CRADD: variants seen among roughly 807,000 people sequenced by gnomAD.
CRADD encodes death domain-containing protein CRADD.
In CRADD, 9 loss-of-function variants were observed where a neutral mutation model predicts 15.5. That is an observed-to-expected ratio of 0.58 (90% CI 0.35 to 1.01). The LOEUF (loss-of-function observed/expected upper bound fraction) is 1.01, where lower values mean the gene tolerates loss of function less well. Ranked by LOEUF, CRADD falls within the 50% of genes least tolerant of loss-of-function variation. The pLI is 0.02. For synonymous variants in CRADD, 118 were observed against 107.6 expected (o/e 1.10, Z -0.60); for missense variants, 227 against 250.3 (o/e 0.91, Z 0.63).
intron 2 of CRADD, among the ~76,000 whole-genome samples, chr12:93,731,519 A>G (rs1243076095): frequency 2.0e-5 from 3 of 152,238 alleles, no homozygotes; most frequent in Admixed American, 6.5e-5. Context: ...GTTTAAAGTA[A>G]TAGTTTGCCA....
Position 93,850,490 on chromosome 12 carries a change from C to G in CRADD, c.*219C>G. On this transcript the variant is annotated 3_prime_UTR_variant, in exon 3 of 3. Transcript: ENST00000332896. This position sits in a 1 kb window ranked among gnomAD's most constrained non-coding sequence, Gnocchi z 4.0. The stretch of plus-strand genomic sequence containing the variant: ...CTCAACAATTCTTTGTTTTTAATTG[C>G]TTGAAGATTGCATTGTTGTAATTGT... The G allele has an allele frequency of 1.5e-6, 2 of 1,300,200 alleles. No homozygotes were observed. Among genetic ancestry groups the G allele is most frequent in the Non-Finnish European group, 1.9e-6 (2 of 1,028,894 alleles). The allele number at this position is 1,300,200 out of a possible 1,614,324, so 80.5% of individuals were successfully genotyped here.
chr12:93,788,433 G>T (rs1957306057), intron 2 of CRADD, among the ~76,000 whole-genome samples: 1 of 152,152 alleles, frequency 6.6e-6, no homozygotes, highest in South Asian at 2.1e-4. Flanking sequence ...TTTGGGTGGG[G>T]ACACAGCCAA....
rs369486173 is a variant in CRADD, at chr12:93,713,622, G to A, written c.298+34550G>A. Reference sequence around the variant, plus strand: ...TATATTGTTTGTTTGTTTTCTTAACGTTTTTTTTAATGGTTGTATTGTTAT... The same window carrying A: ...TATATTGTTTGTTTGTTTTCTTAACATTTTTTTTAATGGTTGTATTGTTAT... On this transcript the variant is annotated intron_variant, in intron 2 of 2. Coordinates refer to ENST00000332896, the MANE Select transcript of CRADD (RefSeq NM_003805.5). Among the ~76,000 whole-genome samples, 9 of 142,066 alleles carry A rather than the reference G, an allele frequency of 6.3e-5. No individual in the cohort carries two copies. In the East Asian group the frequency reaches 1.2e-3, roughly 18 times the overall value. 93.2% of individuals were successfully genotyped at this position (142,066 alleles called of 152,430 possible). A position where few individuals can be genotyped will look rare whatever the true frequency, so the allele number is the denominator to read the frequency against.
At chr12:93,722,727 A>G (rs946141003) in intron 2 of CRADD, among the ~76,000 whole-genome samples, 2 of 152,062 alleles carry the variant, frequency 1.3e-5, no homozygotes, top group African/African-American at 4.8e-5. Context: ...GTGTCCTTGC[A>G]TGCTGACTAT....
rs111542135 is a variant in CRADD at position 93,715,913 on chromosome 12, G to A, written c.298+36841G>A. Reference sequence around the variant, plus strand: ...TCCCAGCACTTTGAGAGGCTGAGGCGGGGGGATCGCTTGAGGTCAGGAGTT... The same window carrying A: ...TCCCAGCACTTTGAGAGGCTGAGGCAGGGGGATCGCTTGAGGTCAGGAGTT... On this transcript the variant is annotated intron_variant, in intron 2 of 2. Transcript: ENST00000332896. Among the ~76,000 whole-genome samples, 1,459 of 152,132 alleles carry A rather than the reference G, an allele frequency of 9.6e-3. 36 individuals carry two copies. Among genetic ancestry groups the A allele is most frequent in the African/African-American group, 0.032 (1,347 of 41,522 alleles).
chr12:93,801,940 A>G lies in CRADD; in HGVS notation c.299-48030A>G, dbSNP rs138552592. Reference sequence around the variant, plus strand: ...AGCTCCCACTTATAAGTGAGAACATACAATATTTGTTTTCCATTCTTGAGT... The same window carrying G: ...AGCTCCCACTTATAAGTGAGAACATGCAATATTTGTTTTCCATTCTTGAGT... On this transcript the variant is annotated intron_variant, in intron 2 of 2. Coordinates refer to ENST00000332896, the MANE Select transcript of CRADD (RefSeq NM_003805.5). Among the ~76,000 whole-genome samples, 1,270 of 152,280 alleles carry G rather than the reference A, an allele frequency of 8.3e-3. 23 individuals are homozygous for G. Among genetic ancestry groups the G allele is most frequent in the African/African-American group, 0.028 (1,177 of 41,548 alleles).
At chr12:93,702,149 G>A (rs1476252764) in intron 2 of CRADD, among the ~76,000 whole-genome samples, 1 of 152,112 alleles carries the variant, frequency 6.6e-6, no homozygotes, top group African/African-American at 2.4e-5. Flanking sequence ...TAAAAAAGTA[G>A]GTTCTTAAAT....
At chr12:93,723,747 G>A (rs1422943066) in intron 2 of CRADD, among the ~76,000 whole-genome samples, 2 of 152,208 alleles carry the variant, frequency 1.3e-5, no homozygotes, top group East Asian at 1.9e-4. Flanking sequence ...TGTCCTATGA[G>A]TAGGTCTCAG....
At chr12:93,869,345 T>C (rs1443061936) in intron 2 of CRADD, among the ~76,000 whole-genome samples, 1 of 152,164 alleles carries the variant, frequency 6.6e-6, no homozygotes, top group African/African-American at 2.4e-5. Context: ...AGTTTCTACA[T>C]TGTCCAGCAT....
intron 2 of CRADD, among the ~76,000 whole-genome samples, chr12:93,724,404 T>C (rs1352092580): frequency 5.3e-5 from 8 of 151,626 alleles, no homozygotes; most frequent in African/African-American, 1.9e-4. Flanking sequence ...AAATTTCTGC[T>C]CCAGTATGTT....
At chr12:93,797,067 A>T (rs1386042695) in intron 2 of CRADD, among the ~76,000 whole-genome samples, 1 of 152,210 alleles carries the variant, frequency 6.6e-6, no homozygotes, top group African/African-American at 2.4e-5. Context: ...AACATCTGGC[A>T]TCAGAATTTG....
chr12:93,707,634 C>T (rs1201369901), intron 2 of CRADD, among the ~76,000 whole-genome samples: 1 of 152,130 alleles, frequency 6.6e-6, no homozygotes, highest in Non-Finnish European at 1.5e-5. Context: ...CACCAGTTCT[C>T]CTGCTTATTG....
chr12:93,823,674 T>G (rs1957793295), intron 2 of CRADD, among the ~76,000 whole-genome samples: 1 of 152,210 alleles, frequency 6.6e-6, no homozygotes, highest in Admixed American at 6.5e-5. Flanking sequence ...GTGTCTAACT[T>G]TGTCTTTTTA....
chr12:93,838,960 A>G (rs1211707430), intron 2 of CRADD, among the ~76,000 whole-genome samples: 1 of 151,044 alleles, frequency 6.6e-6, no homozygotes, highest in Non-Finnish European at 1.5e-5. Flanking sequence ...TTTTGTAGAG[A>G]TGGAGTTTTG....
chr12:93,681,276 A>C (rs1267113472), intron 2 of CRADD, among the ~76,000 whole-genome samples: 1 of 152,222 alleles, frequency 6.6e-6, no homozygotes, highest in African/African-American at 2.4e-5. Flanking sequence ...AAGCTGAGGA[A>C]AAATAGCTTT....
At chr12:93,682,999 T>C (rs1429884434) in intron 2 of CRADD, among the ~76,000 whole-genome samples, 1 of 152,216 alleles carries the variant, frequency 6.6e-6, no homozygotes, top group African/African-American at 2.4e-5. Context: ...TACTAGACAT[T>C]AGATCAGCTG....
At chr12:93,748,499 G>A (rs1956791945) in intron 2 of CRADD, among the ~76,000 whole-genome samples, 1 of 152,174 alleles carries the variant, frequency 6.6e-6, no homozygotes, top group Non-Finnish European at 1.5e-5. Context: ...TAGAGACGGG[G>A]TTTCTCTGTG....
At chr12:93,840,172 TTTATA>T (rs1372516601) in intron 2 of CRADD, among the ~76,000 whole-genome samples, 11 of 152,330 alleles carry the variant, frequency 7.2e-5, no homozygotes, top group African/African-American at 2.6e-4. Context: ...AATTGGCATC[TTTATA>T]TTATAACAAT....
At chr12:93,886,510 A>G (rs1328316894) in intron 2 of CRADD, among the ~76,000 whole-genome samples, 1 of 151,920 alleles carries the variant, frequency 6.6e-6, no homozygotes, top group African/African-American at 2.4e-5. Context: ...TCAACTCCCC[A>G]CCCATAGGCA....
Sources: gnomAD v4.1 joint callset for allele counts (sites outside exome capture counted in the v4.1 genomes callset) on GRCh38, gnomAD v4.1.1 for gene constraint, Gnocchi (gnomAD v3.1) non-coding constraint, MANE v1.5 for transcripts, NCBI Gene and HGNC (gene_info 2026-07-23, HGNC 2026-07-21) for gene names.